The following ARK2C variants were observed in gnomAD, a reference collection of about 807,000 sequenced individuals.
ARK2C encodes the protein E3 ubiquitin-protein ligase ARK2C.
At chr18:46,427,431 T>A in the ARK2C span, among the ~76,000 whole-genome samples, 1 of 152,138 alleles carries the variant, frequency 6.6e-6, no homozygotes. Flanking sequence ...GGTACTCTCA[T>A]GGCAGGAGGG....
chr18:46,454,110 C>CA, the ARK2C span, among the ~76,000 whole-genome samples: 4,247 of 16,450 alleles, frequency 0.26, 951 homozygotes, highest in Non-Finnish European at 0.44. Flanking sequence ...AAGGCCGTCT[C>CA]AAAAAAAAAA....
At chr18:46,336,166 C>G in the ARK2C span, 2 of 985,276 alleles carry the variant, frequency 2.0e-6, no homozygotes, top group Non-Finnish European at 2.4e-6. Flanking sequence ...CCTCTTAAAA[C>G]GGGTGTGGAA....
At chr18:46,401,605 A>G in the ARK2C span, among the ~76,000 whole-genome samples, 1 of 152,186 alleles carries the variant, frequency 6.6e-6, no homozygotes, top group African/African-American at 2.4e-5. Context: ...GAACACACAA[A>G]TGAAACTGGG....
At chr18:46,334,246 C>G in the ARK2C span, 5 of 1,441,210 alleles carry the variant, frequency 3.5e-6, no homozygotes, top group South Asian at 6.8e-5. This position sits in a 1 kb window ranked among gnomAD's most constrained non-coding sequence, Gnocchi z 4.4. Context: ...CGCGCAGCCG[C>G]CGCCGCCGCC....
At chr18:46,365,071 C>T in the ARK2C span, among the ~76,000 whole-genome samples, 1 of 152,170 alleles carries the variant, frequency 6.6e-6, no homozygotes, top group Non-Finnish European at 1.5e-5. Flanking sequence ...CTCTGGTTCT[C>T]CTGATATTCC....
chr18:46,357,407 T>A, the ARK2C span, among the ~76,000 whole-genome samples: 1 of 152,152 alleles, frequency 6.6e-6, no homozygotes, highest in South Asian at 2.1e-4. Context: ...CAAGTCAATA[T>A]GAAATTGTGA....
the ARK2C span, among the ~76,000 whole-genome samples, chr18:46,441,350 G>A: frequency 1.3e-5 from 2 of 152,160 alleles, no homozygotes; most frequent in South Asian, 2.1e-4. Flanking sequence ...TTCCCATGTA[G>A]CTGGGATTAC....
At chr18:46,427,986 A>G in the ARK2C span, among the ~76,000 whole-genome samples, 8 of 152,140 alleles carry the variant, frequency 5.3e-5, no homozygotes, top group Admixed American at 1.3e-4. Flanking sequence ...CTCCAGTGGG[A>G]ACATGAGAGA....
chr18:46,406,008 A>T, the ARK2C span, among the ~76,000 whole-genome samples: 1 of 151,966 alleles, frequency 6.6e-6, no homozygotes, highest in Non-Finnish European at 1.5e-5. Flanking sequence ...AGACACTCGC[A>T]TACATACCCC....
chr18:46,351,703 TAG>T, the ARK2C span, among the ~76,000 whole-genome samples: 1 of 152,178 alleles, frequency 6.6e-6, no homozygotes, highest in African/African-American at 2.4e-5. Flanking sequence ...AAAGATAACT[TAG>T]ACAGTTCTCA....
chr18:46,447,735 A>G, the ARK2C span: 2 of 1,613,448 alleles, frequency 1.2e-6, no homozygotes, highest in Non-Finnish European at 1.7e-6. Flanking sequence ...ATTGAGTGCC[A>G]GTGGTGGTCT....
chr18:46,433,528 G>A, the ARK2C span: 1 of 1,571,282 alleles, frequency 6.4e-7, no homozygotes, highest in South Asian at 1.2e-5. Context: ...TGGGGCGGAG[G>A]TGGGGACCCG....
the ARK2C span, among the ~76,000 whole-genome samples, chr18:46,343,302 A>G: frequency 6.6e-6 from 1 of 152,248 alleles, no homozygotes; most frequent in Admixed American, 6.5e-5. Flanking sequence ...TGAATAAACT[A>G]TTCTGAGACC....
At chr18:46,381,052 C>T in the ARK2C span, among the ~76,000 whole-genome samples, 3 of 152,224 alleles carry the variant, frequency 2.0e-5, no homozygotes, top group Non-Finnish European at 4.4e-5. Context: ...GGGGGAAGCC[C>T]TGGGCATGCC....
the ARK2C span, chr18:46,336,003 A>T: frequency 3.0e-4 from 293 of 985,186 alleles, no homozygotes; most frequent in Non-Finnish European, 3.2e-4. Flanking sequence ...AGGCATTGCT[A>T]TTTAAGCGGC....
the ARK2C span, among the ~76,000 whole-genome samples, chr18:46,340,991 T>G: frequency 2.6e-5 from 4 of 152,130 alleles, no homozygotes; most frequent in African/African-American, 9.7e-5. Context: ...TCTGCTGATT[T>G]GGCAAGAACA....
At chr18:46,349,772 C>T in the ARK2C span, among the ~76,000 whole-genome samples, 53 of 152,266 alleles carry the variant, frequency 3.5e-4, no homozygotes, top group African/African-American at 1.2e-3. Context: ...TCTAGTTGGG[C>T]ACCCCTTGCC....
At chr18:46,385,958 T>G in the ARK2C span, 6 of 152,190 alleles carry the variant, frequency 3.9e-5, no homozygotes, top group African/African-American at 9.7e-5. Context: ...CATGGCGGTG[T>G]GTGGTGGTTC....
At chr18:46,369,277 A>G in the ARK2C span, among the ~76,000 whole-genome samples, 1 of 152,148 alleles carries the variant, frequency 6.6e-6, no homozygotes, top group South Asian at 2.1e-4. Context: ...TCCATCATCA[A>G]GATGGGCTGG....
Sources: gnomAD v4.1 joint callset for allele counts (sites outside exome capture counted in the v4.1 genomes callset) on GRCh38, gnomAD v4.1.1 for gene constraint, Gnocchi (gnomAD v3.1) non-coding constraint, MANE v1.5 for transcripts, NCBI Gene and HGNC (gene_info 2026-07-23, HGNC 2026-07-21) for gene names.